Variants in KAZN observed in about 807,000 individuals in gnomAD.
KAZN encodes the protein kazrin.
A neutral mutation model predicts 87.4 loss-of-function variants in KAZN; 40 were observed. The ratio of observed to expected loss-of-function variants is 0.46; its 90% CI spans 0.36 to 0.60. KAZN has a LOEUF of 0.60. Ranked by LOEUF, KAZN falls within the 20% of genes least tolerant of loss-of-function variation. The probability of loss-of-function intolerance (pLI) is 0.00; values close to 1 mark genes in which losing one functional copy is unlikely to be tolerated. For missense variants in KAZN, 898 were observed against 1,073.9 expected (o/e 0.84, Z 2.29); for synonymous variants, 466 against 458.3 (o/e 1.02, Z -0.22).
chr1:14,367,260 G>A (rs1571412796), intron 2 of KAZN, among the ~76,000 whole-genome samples: 1 of 152,108 alleles, frequency 6.6e-6, no homozygotes, highest in African/African-American at 2.4e-5. Flanking sequence ...CAGCGGGAAA[G>A]GAAGCTGGAA....
At chr1:14,647,510 G>A (rs1680894723) in intron 1 of KAZN, among the ~76,000 whole-genome samples, 1 of 152,128 alleles carries the variant, frequency 6.6e-6, no homozygotes, top group Non-Finnish European at 1.5e-5. Flanking sequence ...TAACATCAGG[G>A]GAAGATCAGG....
At chr1:14,564,364 G>A (rs561996323) in intron 2 of KAZN, among the ~76,000 whole-genome samples, 1 of 152,178 alleles carries the variant, frequency 6.6e-6, no homozygotes, top group African/African-American at 2.4e-5. Context: ...GATCTTCTAG[G>A]TTTAAATCTC....
rs919487107 is a variant in KAZN at position 14,773,380 on chromosome 1, C to T, written c.226+174157C>T. 1.3e-5 allele frequency among the ~76,000 whole-genome samples: 2 copies of T among 152,142 alleles called. No individual in the cohort carries two copies. Among genetic ancestry groups the T allele is most frequent in the Non-Finnish European group, 2.9e-5 (2 of 68,030 alleles). ...CGATGCCATTGCTTCAAATGGCTTT[C>T]AACAACGCCCTCCACTCCACGGGGT... On this transcript the variant is annotated intron_variant, in intron 1 of 14. Coordinates refer to ENST00000376030, the MANE Select transcript of KAZN (RefSeq NM_201628.3). This position sits in a 1 kb window ranked among gnomAD's most constrained non-coding sequence, Gnocchi z 5.9.
intron 2 of KAZN, among the ~76,000 whole-genome samples, chr1:14,392,469 T>A (rs374461488): frequency 6.6e-6 from 1 of 152,054 alleles, no homozygotes; most frequent in Non-Finnish European, 1.5e-5. Context: ...GGCGGGACGA[T>A]TGCACACCAG....
At chr1:14,939,988 G>C (rs1266309943) in intron 1 of KAZN, among the ~76,000 whole-genome samples, 1 of 152,176 alleles carries the variant, frequency 6.6e-6, no homozygotes, top group Non-Finnish European at 1.5e-5. Context: ...CACCCAGGGA[G>C]GGGTCTGCCT....
At chr1:15,055,726 A>T (rs1674880033) in intron 4 of KAZN, among the ~76,000 whole-genome samples, 1 of 152,200 alleles carries the variant, frequency 6.6e-6, no homozygotes, top group Admixed American at 6.5e-5. Flanking sequence ...GACCATGTTT[A>T]TGTAAGCAGT....
At chr1:14,484,644 G>A (rs1392769066) in intron 2 of KAZN, among the ~76,000 whole-genome samples, 1 of 152,178 alleles carries the variant, frequency 6.6e-6, no homozygotes, top group Non-Finnish European at 1.5e-5. Context: ...GGGTCTGCAG[G>A]CTGGCTGCCT....
intron 2 of KAZN, among the ~76,000 whole-genome samples, chr1:14,256,630 G>A (rs895481827): frequency 1.3e-5 from 2 of 152,094 alleles, no homozygotes; most frequent in African/African-American, 2.4e-5. Flanking sequence ...GGGTCTTCTC[G>A]GAGCCCATCC....
chr1:14,208,761 G>A (rs1432827783), intron 2 of KAZN, among the ~76,000 whole-genome samples: 1 of 152,190 alleles, frequency 6.6e-6, no homozygotes, highest in Non-Finnish European at 1.5e-5. Flanking sequence ...CCAGCAACAT[G>A]CTGAGGGTCT....
intron 1 of KAZN, among the ~76,000 whole-genome samples, chr1:14,743,151 T>C (rs1454419496): frequency 1.3e-5 from 2 of 151,976 alleles, no homozygotes; most frequent in Non-Finnish European, 2.9e-5. Flanking sequence ...CCATAGTAGG[T>C]TCAGGTGTGG....
intron 2 of KAZN, among the ~76,000 whole-genome samples, chr1:14,216,148 A>C (rs1646952859): frequency 6.6e-6 from 1 of 152,186 alleles, no homozygotes; most frequent in Non-Finnish European, 1.5e-5. Flanking sequence ...CATTAATAGC[A>C]ACAAGGGCCC....
At chr1:13,999,263 G>T (rs536195303) in intron 1 of KAZN, among the ~76,000 whole-genome samples, 1 of 152,188 alleles carries the variant, frequency 6.6e-6, no homozygotes, top group Non-Finnish European at 1.5e-5. Context: ...CAGTAGAATC[G>T]CATGAATCCA....
chr1:14,180,822 T>C (rs1646182035), intron 2 of KAZN, among the ~76,000 whole-genome samples: 1 of 152,222 alleles, frequency 6.6e-6, no homozygotes, highest in South Asian at 2.1e-4. Context: ...AGTATATTTG[T>C]TGTCTCTGAG....
At chr1:13,976,987 A>G (rs1002628214) in intron 1 of KAZN, among the ~76,000 whole-genome samples, 1 of 152,234 alleles carries the variant, frequency 6.6e-6, no homozygotes, top group Non-Finnish European at 1.5e-5. Context: ...TAGTAGGGCC[A>G]TAGAGACAAT....
intron 1 of KAZN, among the ~76,000 whole-genome samples, chr1:14,686,750 C>T (rs969602756): frequency 5.3e-5 from 8 of 152,200 alleles, no homozygotes; most frequent in African/African-American, 1.2e-4. Flanking sequence ...TCTGGGACTA[C>T]GACAGCCACA....
intron 2 of KAZN, among the ~76,000 whole-genome samples, chr1:15,024,672 G>A (rs757048666): frequency 6.6e-6 from 1 of 152,210 alleles, no homozygotes; most frequent in Non-Finnish European, 1.5e-5. Context: ...TAGGGGAAGT[G>A]ACCCTCACAC....
intron 1 of KAZN, among the ~76,000 whole-genome samples, chr1:13,924,535 G>A (rs1288338660): frequency 2.0e-5 from 3 of 152,170 alleles, no homozygotes; most frequent in Non-Finnish European, 4.4e-5. Context: ...GAACCGCTTA[G>A]GGCAAACCTG....
At chr1:14,848,415 C>T (rs1466137001) in intron 1 of KAZN, among the ~76,000 whole-genome samples, 1 of 152,218 alleles carries the variant, frequency 6.6e-6, no homozygotes, top group African/African-American at 2.4e-5. Context: ...GTGCCCACCA[C>T]CGTGCCTACC....
At chr1:14,320,619 T>G (rs1031909966) in intron 2 of KAZN, among the ~76,000 whole-genome samples, 1 of 152,190 alleles carries the variant, frequency 6.6e-6, no homozygotes. Flanking sequence ...CCATAAAATC[T>G]GTTTCACAAT....
Sources: gnomAD v4.1 joint callset for allele counts (sites outside exome capture counted in the v4.1 genomes callset) on GRCh38, gnomAD v4.1.1 for gene constraint, Gnocchi (gnomAD v3.1) non-coding constraint, MANE v1.5 for transcripts, NCBI Gene and HGNC (gene_info 2026-07-23, HGNC 2026-07-21) for gene names.